Variants in GRXCR1 observed in about 807,000 individuals in gnomAD.
The protein encoded by GRXCR1 is glutaredoxin domain-containing cysteine-rich protein 1.
In GRXCR1, 27 loss-of-function variants were observed where a neutral mutation model predicts 27.3. The ratio of observed to expected loss-of-function variants is 0.99; its 90% CI spans 0.73 to 1.37. GRXCR1 has a LOEUF of 1.37. Among genes scored for constraint, GRXCR1 ranks in the 40% most tolerant of loss-of-function variants. The pLI is 0.00. For synonymous variants in GRXCR1, 122 were observed against 131.1 expected, an observed-to-expected ratio of 0.93 and a Z score of 0.47; for missense variants, 379 against 354.4, an observed-to-expected ratio of 1.07 and a Z score of -0.56.
intron 1 of GRXCR1, among the ~76,000 whole-genome samples, chr4:42,895,147 T>C (rs192688068): frequency 6.6e-6 from 1 of 152,200 alleles, no homozygotes; most frequent in African/African-American, 2.4e-5. Context: ...CTGACAGTGC[T>C]TTAAACTCAC....
intron 1 of GRXCR1, among the ~76,000 whole-genome samples, chr4:42,959,659 C>A (rs1034866006): frequency 6.6e-6 from 1 of 151,824 alleles, no homozygotes; most frequent in African/African-American, 2.4e-5. Context: ...TAAGTATGTA[C>A]AACTTAAAAA....
intron 2 of GRXCR1, among the ~76,000 whole-genome samples, chr4:42,990,451 A>C (rs1711935665): frequency 6.6e-6 from 1 of 151,848 alleles, no homozygotes; most frequent in East Asian, 1.9e-4. Flanking sequence ...TCGGCCTCCC[A>C]AAGTGCTAGT....
At chr4:42,940,996 A>G (rs7687909) in intron 1 of GRXCR1, among the ~76,000 whole-genome samples, 2,684 of 152,088 alleles carry the variant, frequency 0.018, 49 homozygotes, top group African/African-American at 0.048. Context: ...ATTAAGCCTG[A>G]TTTGCTCTAT....
intron 1 of GRXCR1, among the ~76,000 whole-genome samples, chr4:42,902,399 C>T (rs975239133): frequency 2.0e-5 from 3 of 152,136 alleles, no homozygotes; most frequent in African/African-American, 4.8e-5. Flanking sequence ...CCTGTTACTG[C>T]ATTAATTTGC....
chr4:42,975,866 C>T (rs924708975), intron 2 of GRXCR1, among the ~76,000 whole-genome samples: 11 of 152,102 alleles, frequency 7.2e-5, no homozygotes, highest in Non-Finnish European at 1.6e-4. Flanking sequence ...ACTTTGAAGC[C>T]TCTTTATGCA....
At chr4:42,967,854 T>C (rs1326038091) in intron 2 of GRXCR1, among the ~76,000 whole-genome samples, 1 of 152,162 alleles carries the variant, frequency 6.6e-6, no homozygotes, top group Non-Finnish European at 1.5e-5. Flanking sequence ...GCTAACTGTT[T>C]CCAGTACTGA....
At chr4:42,902,566 T>C (rs938976006) in intron 1 of GRXCR1, among the ~76,000 whole-genome samples, 2 of 152,146 alleles carry the variant, frequency 1.3e-5, no homozygotes, top group Admixed American at 6.5e-5. Context: ...TCTTTGCTAT[T>C]GTGAATAGTG....
chr4:42,910,037 GAGGCCTC>G (rs1560645603), intron 1 of GRXCR1, among the ~76,000 whole-genome samples: 1 of 152,146 alleles, frequency 6.6e-6, no homozygotes, highest in African/African-American at 2.4e-5. Flanking sequence ...CATGGCTGGG[GAGGCCTC>G]AGGAAGCTTA....
chr4:42,925,372 A>T (rs543385751), intron 1 of GRXCR1, among the ~76,000 whole-genome samples: 49 of 152,160 alleles, frequency 3.2e-4, no homozygotes, highest in Non-Finnish European at 4.6e-4. Context: ...GAATGTAAAA[A>T]ACTTGAAATA....
chr4:43,022,160 C>T (rs959175532), intron 3 of GRXCR1, among the ~76,000 whole-genome samples: 14 of 152,124 alleles, frequency 9.2e-5, no homozygotes, highest in Admixed American at 3.9e-4. Context: ...ATTCTCTGTA[C>T]ACACTTTAAA....
chr4:42,919,678 C>T (rs750090980), intron 1 of GRXCR1, among the ~76,000 whole-genome samples: 3 of 152,058 alleles, frequency 2.0e-5, no homozygotes, highest in Non-Finnish European at 2.9e-5. Context: ...TGCCTTAGAA[C>T]ACACAGTATC....
intron 1 of GRXCR1, among the ~76,000 whole-genome samples, chr4:42,945,940 C>G (rs189200130): frequency 3.3e-5 from 5 of 152,240 alleles, no homozygotes; most frequent in Admixed American, 2.6e-4. Flanking sequence ...GTTTTTCAGC[C>G]TTTTCCTTCT....
intron 1 of GRXCR1, among the ~76,000 whole-genome samples, chr4:42,958,178 A>G (rs567312242): frequency 5.9e-5 from 9 of 152,154 alleles, no homozygotes; most frequent in African/African-American, 1.9e-4. Context: ...GACTCTTGCA[A>G]ACTTTGCTTC....
chr4:42,977,197 A>G (rs994311037), intron 2 of GRXCR1, among the ~76,000 whole-genome samples: 3 of 151,864 alleles, frequency 2.0e-5, no homozygotes, highest in African/African-American at 7.2e-5. Context: ...TATATTTCAC[A>G]TTTTTTTATC....
At chr4:42,930,199 G>A (rs1281943613) in intron 1 of GRXCR1, among the ~76,000 whole-genome samples, 1 of 152,026 alleles carries the variant, frequency 6.6e-6, no homozygotes, top group Non-Finnish European at 1.5e-5. Context: ...AAGGTTGGGA[G>A]ACTAGGGGAA....
intron 3 of GRXCR1, among the ~76,000 whole-genome samples, chr4:43,025,715 G>A (rs1713234462): frequency 6.6e-6 from 1 of 152,168 alleles, no homozygotes; most frequent in African/African-American, 2.4e-5. Context: ...GGTGGCTCAC[G>A]CCTGTAATCC....
chr4:43,001,561 C>T (rs879723743), intron 2 of GRXCR1, among the ~76,000 whole-genome samples: 21 of 151,826 alleles, frequency 1.4e-4, no homozygotes, highest in Admixed American at 3.3e-4. Flanking sequence ...AAACACATGT[C>T]CTCGGTGTAT....
intron 2 of GRXCR1, among the ~76,000 whole-genome samples, chr4:43,017,909 A>T (rs1316412821): frequency 6.6e-6 from 1 of 152,196 alleles, no homozygotes; most frequent in African/African-American, 2.4e-5. Flanking sequence ...AGACCTTTGG[A>T]ATATGCAAAT....
chr4:42,999,469 C>A (rs1302148697), intron 2 of GRXCR1, among the ~76,000 whole-genome samples: 1 of 152,238 alleles, frequency 6.6e-6, no homozygotes, highest in Non-Finnish European at 1.5e-5. Context: ...ATACTGTCAC[C>A]TCATCCTCAC....
Sources: allele counts gnomAD v4.1 joint callset (sites outside exome capture counted in the v4.1 genomes callset), GRCh38; gene constraint gnomAD v4.1.1; transcripts MANE v1.5; gene names NCBI Gene and HGNC (gene_info 2026-07-23, HGNC 2026-07-21).